Variants in C12orf54 observed in about 807,000 individuals in gnomAD.
C12orf54 encodes the protein uncharacterized protein C12orf54.
Under a neutral mutation model 26.4 loss-of-function variants are expected in C12orf54, and 24 were observed. The ratio of observed to expected loss-of-function variants is 0.91; its 90% CI spans 0.66 to 1.28. The LOEUF (loss-of-function observed/expected upper bound fraction) is 1.28, where lower values mean the gene tolerates loss of function less well. Ranked by LOEUF, C12orf54 falls within the 50% of genes most tolerant of loss-of-function variation. C12orf54 has a pLI of 0.00. For missense variants in C12orf54, 154 were observed against 150.9 expected, an observed-to-expected ratio of 1.02 and a Z score of -0.11; for synonymous variants, 54 against 47.0, an observed-to-expected ratio of 1.15 and a Z score of -0.61.
At chr12:48,476,128 T>C in the C12orf54 span, among the ~76,000 whole-genome samples, 2 of 152,232 alleles carry the variant, frequency 1.3e-5, no homozygotes, top group African/African-American at 2.4e-5. Flanking sequence ...AACCCAGAAT[T>C]TCATATCAGC....
the C12orf54 span, among the ~76,000 whole-genome samples, chr12:48,476,143 C>G: frequency 2.6e-5 from 4 of 152,232 alleles, no homozygotes; most frequent in Non-Finnish European, 4.4e-5. Context: ...ATCAGCCAAA[C>G]TAAGCTTCAT....
At chr12:48,479,159 G>A (rs1348946460), upstream of C12orf54, among the ~76,000 whole-genome samples, 6 of 152,140 alleles carry the variant, frequency 3.9e-5, no homozygotes, top group Admixed American at 2.6e-4. Context: ...TGGCACATAT[G>A]CACCATGGAA....
the C12orf54 span, among the ~76,000 whole-genome samples, chr12:48,429,658 A>G: frequency 2.0e-5 from 3 of 152,188 alleles, no homozygotes; most frequent in Non-Finnish European, 4.4e-5. Context: ...GCTGAAAAAA[A>G]TCAGAGATGA....
At chr12:48,483,182 G>A in intron 1 of C12orf54, 58 bp from the exon 2 acceptor site, 1 of 818,356 alleles carries the variant, frequency 1.2e-6, no homozygotes, top group Non-Finnish European at 2.0e-6. Flanking sequence ...CACTGAATAA[G>A]CGCTTTTCTT....
At chr12:48,456,280 G>C in the C12orf54 span, among the ~76,000 whole-genome samples, 2 of 152,210 alleles carry the variant, frequency 1.3e-5, no homozygotes, top group Non-Finnish European at 2.9e-5. Flanking sequence ...TATACTGACA[G>C]CTGTAATGCA....
chr12:48,472,529 G>A, the C12orf54 span: 1 of 948,002 alleles, frequency 1.1e-6, no homozygotes. Flanking sequence ...ATAGATTTTG[G>A]GTGTGTTTGG....
chr12:48,425,896 C>T, the C12orf54 span, among the ~76,000 whole-genome samples: 21 of 147,662 alleles, frequency 1.4e-4, no homozygotes, highest in African/African-American at 4.2e-4. Flanking sequence ...AGTATCGGTT[C>T]ATATCTTTTG....
the C12orf54 span, among the ~76,000 whole-genome samples, chr12:48,426,573 T>G: frequency 1.3e-5 from 2 of 152,172 alleles, no homozygotes; most frequent in South Asian, 4.1e-4. Flanking sequence ...TTGGGCTCAT[T>G]TTGGTTCCGT....
At chr12:48,488,207 G>C (rs374325630) in intron 4 of C12orf54, 104 of 696,258 alleles carry the variant, frequency 1.5e-4, no homozygotes, top group Middle Eastern at 1.1e-3. Context: ...GGCCCCTGGA[G>C]TCTGTGCCTG....
chr12:48,416,291 C>T, the C12orf54 span, among the ~76,000 whole-genome samples: 2 of 152,178 alleles, frequency 1.3e-5, no homozygotes, highest in Non-Finnish European at 2.9e-5. Context: ...CTAAAAGTTA[C>T]TATGGGATCT....
the C12orf54 span, among the ~76,000 whole-genome samples, chr12:48,419,562 A>G: frequency 7.9e-5 from 12 of 152,214 alleles, no homozygotes; most frequent in Admixed American, 7.2e-4. Context: ...TAGAGAAATA[A>G]AAACAAGATC....
At chr12:48,485,852 T>A (rs1048131204) in intron 2 of C12orf54, among the ~76,000 whole-genome samples, 2 of 152,100 alleles carry the variant, frequency 1.3e-5, no homozygotes, top group Non-Finnish European at 2.9e-5. Context: ...TTAGGCGGGG[T>A]GAAGGGTAGA....
chr12:48,449,697 A>C, the C12orf54 span, among the ~76,000 whole-genome samples: 1 of 152,238 alleles, frequency 6.6e-6, no homozygotes, highest in East Asian at 1.9e-4. Context: ...TGATCTGTTG[A>C]GATAACCTGA....
chr12:48,459,283 G>C, the C12orf54 span, among the ~76,000 whole-genome samples: 1 of 152,180 alleles, frequency 6.6e-6, no homozygotes. Context: ...CCAGTCCTCT[G>C]TCTGAGCACA....
chr12:48,479,819 C>A (rs1954180272), upstream of C12orf54, among the ~76,000 whole-genome samples: 3 of 152,020 alleles, frequency 2.0e-5, no homozygotes, highest in Non-Finnish European at 4.4e-5. Context: ...CTCAGACGAG[C>A]CAAACTTTGA....
At chr12:48,481,726 C>T (rs1345211371), upstream of C12orf54, among the ~76,000 whole-genome samples, 1 of 152,108 alleles carries the variant, frequency 6.6e-6, no homozygotes, top group East Asian at 1.9e-4. Context: ...GGAGTTTTCC[C>T]ACCATCACCT....
At chr12:48,444,622 T>C in the C12orf54 span, among the ~76,000 whole-genome samples, 1 of 152,148 alleles carries the variant, frequency 6.6e-6, no homozygotes, top group African/African-American at 2.4e-5. Context: ...AATAAAGTCA[T>C]GTCTTATTTT....
chr12:48,458,465 C>T, the C12orf54 span, among the ~76,000 whole-genome samples: 1 of 152,128 alleles, frequency 6.6e-6, no homozygotes, highest in Admixed American at 6.5e-5. Flanking sequence ...TGTATTTTAA[C>T]AACCACCTCT....
At chr12:48,484,398 T>C (rs1430391713) in intron 2 of C12orf54, among the ~76,000 whole-genome samples, 1 of 152,106 alleles carries the variant, frequency 6.6e-6, no homozygotes, top group Non-Finnish European at 1.5e-5. Flanking sequence ...GAAAAAATAA[T>C]GAGTAGATAT....
Sources: gnomAD v4.1 joint callset for allele counts (sites outside exome capture counted in the v4.1 genomes callset) on GRCh38, gnomAD v4.1.1 for gene constraint, MANE v1.5 for transcripts, NCBI Gene and HGNC (gene_info 2026-07-23, HGNC 2026-07-21) for gene names.